The following LRFN2 variants were observed in gnomAD, a reference collection of about 807,000 sequenced individuals.
LRFN2 encodes leucine-rich repeat and fibronectin type-III domain-containing protein 2.
LRFN2 carries 18 observed loss-of-function variants against 37.3 expected under a neutral mutation model. The observed-to-expected ratio is 0.48, with a 90% CI of 0.33 to 0.72. The LOEUF is 0.72. Ranked by LOEUF, LRFN2 falls within the 30% of genes least tolerant of loss-of-function variation. The pLI is 0.02. For synonymous variants in LRFN2, 556 were observed against 466.6 expected, an observed-to-expected ratio of 1.19 and a Z score of -2.47; for missense variants, 1,006 against 1,060.7, an observed-to-expected ratio of 0.95 and a Z score of 0.72.
In LRFN2 at chr6:40,432,718, G is replaced by T. The variant is rs1366599150; in HGVS notation, c.396C>A (p.Asn132Lys). ...GLVNLQHLIV[N>K]NNQLGGIADE... The stretch of plus-strand genomic sequence containing the variant: ...CTGCGATGCCGCCCAGCTGGTTGTT[G>T]TTCACGATAAGGTGCTGCAGGTTGA... The change falls in exon 2 of 3, where the codon AAC becomes AAA. Residue 132 changes from asparagine (N) to lysine (K), a missense_variant. Physicochemically the swap from Asn to Lys is moderately conservative, Grantham distance 94. This residue lies in a region of LRFN2 where 185 missense variants were observed against 254.9 expected (regional missense o/e 0.73). Transcript: ENST00000338305. The T allele has an allele frequency of 1.9e-6, 3 of 1,614,040 alleles. No homozygotes were observed. The highest frequency in any genetic ancestry group is 2.5e-6 in the Non-Finnish European group (3 of 1,180,044).
At chr6:40,502,415 C>CG (rs1256479322) in intron 1 of LRFN2, 1 of 152,136 alleles carries the variant, frequency 6.6e-6, no homozygotes, top group African/African-American at 2.4e-5. Flanking sequence ...ATAAAAGACA[C>CG]GAAGGCTGAA....
chr6:40,432,940 G>A lies in LRFN2; in HGVS notation c.174C>T (p.Arg58=). 1 of 1,613,980 alleles carries A rather than the reference G, an allele frequency of 6.2e-7. No individual in the cohort carries two copies. Among genetic ancestry groups the A allele is most frequent in the African/African-American group, 1.3e-5 (1 of 75,076 alleles). The change falls in exon 2 of 3, where the codon CGC becomes CGT. Residue 58 remains arginine (R), a synonymous_variant. Coordinates refer to ENST00000338305, the MANE Select transcript of LRFN2 (RefSeq NM_020737.3). ...PDIDRRTVEL[R]LGGNFIIHIS... ...TGTGGATGATGAAGTTGCCGCCCAG[G>A]CGCAGCTCCACTGTCCGCCGGTCAA...
At chr6:40,458,284 G>A (rs2504838) in intron 1 of LRFN2, among the ~76,000 whole-genome samples, 144,628 of 152,280 alleles carry the variant, frequency 0.95, 69,129 homozygotes, top group Non-Finnish European at 1. Context: ...AGATCAAGTA[G>A]TGGGCAATTT....
chr6:40,510,119 G>A (rs2436738), intron 1 of LRFN2, among the ~76,000 whole-genome samples: 136,105 of 150,714 alleles, frequency 0.9, 61,493 homozygotes, highest in East Asian at 0.94. Flanking sequence ...GGATGAGTGC[G>A]TGCATGCGGG....
At chr6:40,429,474 T>C (rs948680241) in intron 2 of LRFN2, among the ~76,000 whole-genome samples, 1 of 152,242 alleles carries the variant, frequency 6.6e-6, no homozygotes, top group South Asian at 2.1e-4. Context: ...ATATTTATTT[T>C]CAAAAGGTCA....
At position 40,438,181 on chromosome 6, in the gene LRFN2, G is replaced by A. The variant is rs148563946; in HGVS notation, c.-18-5050C>T. Among the ~76,000 whole-genome samples the A allele has an allele frequency of 3.5e-3, 527 of 152,304 alleles. 2 individuals are homozygous for A. Among genetic ancestry groups the A allele is most frequent in the Admixed American group, 5.9e-3 (90 of 15,304 alleles). ...GGCAAAGAGAGGTAGATACAGGGGA[G>A]CAGGGAGAAGTAAAACACTCCCCAA... On this transcript the variant is annotated intron_variant, in intron 1 of 2. Transcript: ENST00000338305.
At chr6:40,478,371 T>C (rs1001607213) in intron 1 of LRFN2, among the ~76,000 whole-genome samples, 3 of 152,246 alleles carry the variant, frequency 2.0e-5, no homozygotes, top group Admixed American at 6.5e-5. Context: ...GGTTAATATT[T>C]GTATATGTTT....
At chr6:40,473,321 G>A (rs565815824) in intron 1 of LRFN2, among the ~76,000 whole-genome samples, 29 of 152,314 alleles carry the variant, frequency 1.9e-4, no homozygotes, top group Non-Finnish European at 2.8e-4. Context: ...AGGAGACAGC[G>A]TGTGTCAGAC....
At chr6:40,559,516 G>A (rs1376699903) in intron 1 of LRFN2, among the ~76,000 whole-genome samples, 1 of 152,124 alleles carries the variant, frequency 6.6e-6, no homozygotes, top group Non-Finnish European at 1.5e-5. Context: ...ATGGGAGCCT[G>A]GCCTGGGGCC....
chr6:40,537,361 C>G (rs1320409658), intron 1 of LRFN2, among the ~76,000 whole-genome samples: 2 of 152,186 alleles, frequency 1.3e-5, no homozygotes, highest in Non-Finnish European at 2.9e-5. Flanking sequence ...CCCTCACTCC[C>G]AGGGCCACAA....
At chr6:40,492,180 C>T (rs559790437) in intron 1 of LRFN2, among the ~76,000 whole-genome samples, 3 of 152,290 alleles carry the variant, frequency 2.0e-5, no homozygotes, top group Non-Finnish European at 4.4e-5. Context: ...TTGGGAGGAA[C>T]GGGGAGGATG....
At chr6:40,520,623 A>G (rs1561892672) in intron 1 of LRFN2, among the ~76,000 whole-genome samples, 1 of 152,084 alleles carries the variant, frequency 6.6e-6, no homozygotes, top group East Asian at 1.9e-4. Flanking sequence ...ACTGCTGTTC[A>G]TACAATCTGA....
At chr6:40,477,513 T>C (rs974488618) in intron 1 of LRFN2, among the ~76,000 whole-genome samples, 12 of 152,222 alleles carry the variant, frequency 7.9e-5, no homozygotes, top group African/African-American at 2.9e-4. Flanking sequence ...TAAATCAGGT[T>C]CTTTCAATAA....
chr6:40,520,218 C>T (rs1436533570), intron 1 of LRFN2, among the ~76,000 whole-genome samples: 1 of 152,082 alleles, frequency 6.6e-6, no homozygotes, highest in Non-Finnish European at 1.5e-5. Context: ...ACAGGAAGCC[C>T]AGCCCGAGAG....
At chr6:40,584,026 G>T (rs145134317) in intron 1 of LRFN2, among the ~76,000 whole-genome samples, 1 of 152,340 alleles carries the variant, frequency 6.6e-6, no homozygotes, top group African/African-American at 2.4e-5. Flanking sequence ...GGAAGCAGGT[G>T]CCAGGGCCCC....
rs1355077712 is a variant in LRFN2, at chr6:40,392,150, G to T, written c.2163C>A (p.Ser721Arg). 1 of 1,608,282 alleles carries T rather than the reference G, an allele frequency of 6.2e-7. No homozygotes were observed. The highest frequency in any genetic ancestry group is 8.5e-7 in the Non-Finnish European group (1 of 1,177,234). The change falls in exon 3 of 3, where the codon AGC becomes AGA. Residue 721 changes from serine to arginine, a missense_variant. Around this residue, in one of 4 missense-constraint regions of LRFN2, gnomAD observed 398 missense variants for 327.6 expected, o/e 1.21. Transcript: ENST00000338305. The surrounding 1 kb of genome is among the most constrained non-coding windows in gnomAD (Gnocchi z 4.7). Reference sequence around the variant, plus strand: ...CAAAGTCCCCCATGTCGAAGGAGTGGCTGCGTTTGGCCTTGCCCTCCAACG... The same window carrying T: ...CAAAGTCCCCCATGTCGAAGGAGTGTCTGCGTTTGGCCTTGCCCTCCAACG... ...PLPLEGKAKRSHSFDMGDFAA... is the reference protein window; with the variant it reads ...PLPLEGKAKRRHSFDMGDFAA...
At chr6:40,413,721 C>T (rs1472226687) in intron 2 of LRFN2, among the ~76,000 whole-genome samples, 1 of 152,214 alleles carries the variant, frequency 6.6e-6, no homozygotes, top group Non-Finnish European at 1.5e-5. Flanking sequence ...CTCCCCTCTG[C>T]CTTCAAAGCA....
At chr6:40,566,040 A>G (rs1767083841) in intron 1 of LRFN2, among the ~76,000 whole-genome samples, 1 of 152,236 alleles carries the variant, frequency 6.6e-6, no homozygotes, top group Non-Finnish European at 1.5e-5. Flanking sequence ...ATTTACAAGA[A>G]AAAAACAAAC....
chr6:40,542,160 G>C lies in LRFN2; in HGVS notation c.-19+44781C>G, dbSNP rs923903512. ...AACTGCTGCTTTTGGCTGGATGCTTGCTCCAGGTGTACTGGCATCAACTCT... is the reference window on the plus strand; with the variant it reads ...AACTGCTGCTTTTGGCTGGATGCTTCCTCCAGGTGTACTGGCATCAACTCT... On this transcript the variant is annotated intron_variant, in intron 1 of 2. Transcript: ENST00000338305. 4.6e-5 allele frequency among the ~76,000 whole-genome samples: 7 copies of C among 152,298 alleles called. No individual in the cohort carries two copies. The East Asian group carries it at 1.2e-3, about 25-fold the overall frequency.
Sources: gnomAD v4.1 joint callset for allele counts (sites outside exome capture counted in the v4.1 genomes callset) on GRCh38, gnomAD v4.1.1 for gene constraint, gnomAD v4.1.1 regional missense constraint, Gnocchi (gnomAD v3.1) non-coding constraint, MANE v1.5 for transcripts, NCBI Gene and HGNC (gene_info 2026-07-23, HGNC 2026-07-21) for gene names.